CADM3: variants seen among roughly 807,000 people sequenced by gnomAD.
The protein encoded by CADM3 is TSLC1-like 1.
Under a neutral mutation model 44.9 loss-of-function variants are expected in CADM3, and 11 were observed. The observed-to-expected ratio is 0.25, with a 90% CI of 0.15 to 0.41. The LOEUF (loss-of-function observed/expected upper bound fraction) is 0.41, where lower values mean the gene tolerates loss of function less well. CADM3 is among the 10% of genes least tolerant of loss of function. The pLI is 1.00. For missense variants in CADM3, 426 were observed against 512.0 expected, an observed-to-expected ratio of 0.83 and a Z score of 1.62; for synonymous variants, 207 against 205.2, an observed-to-expected ratio of 1.01 and a Z score of -0.08.
intron 1 of CADM3, among the ~76,000 whole-genome samples, chr1:159,180,094 G>A (rs948888285): frequency 2.6e-5 from 4 of 152,148 alleles, no homozygotes; most frequent in Non-Finnish European, 5.9e-5. Context: ...CCCTGGAGAG[G>A]AGAGGATTCT....
intron 1 of CADM3, among the ~76,000 whole-genome samples, chr1:159,177,329 G>A (rs1649061054): frequency 6.6e-6 from 1 of 152,134 alleles, no homozygotes; most frequent in Non-Finnish European, 1.5e-5. Flanking sequence ...TGAGCGTAGA[G>A]TGATCCTAAT....
chr1:159,197,188 C>T (rs1208661475), intron 7 of CADM3, 128 bp downstream of exon 7: 2 of 932,696 alleles, frequency 2.1e-6, no homozygotes. Flanking sequence ...AACCAGCCCA[C>T]CACTGGGGTC....
At position 159,174,019 on chromosome 1, in the gene CADM3, C is replaced by G. The variant is rs1161731183; in HGVS notation, c.88+2166C>G. On this transcript the variant is annotated intron_variant, in intron 1 of 8. Transcript: ENST00000368125. ...CTTCAGAGCAGTGGCCTGAGAGAAA[C>G]AGTGGAAAGCAGTAACTTCTGAATG... is the stretch of plus-strand genomic sequence containing the variant. Among the ~76,000 whole-genome samples, 4 of 152,262 alleles carry G rather than the reference C, an allele frequency of 2.6e-5. No homozygotes were observed. The East Asian group carries it at 7.7e-4, about 29-fold the overall frequency.
chr1:159,184,969 A>G (rs1649363288), intron 1 of CADM3, among the ~76,000 whole-genome samples: 1 of 152,228 alleles, frequency 6.6e-6, no homozygotes, highest in East Asian at 1.9e-4. Flanking sequence ...TGGAAATCCT[A>G]AAGATACTAG....
At chr1:159,194,245 A>G (rs1649798015) in intron 5 of CADM3, 2 of 518,514 alleles carry the variant, frequency 3.9e-6, no homozygotes, top group African/African-American at 1.9e-5. Context: ...TGAGACCCAT[A>G]CAGCCTCTGT....
chr1:159,194,362 G>A lies in CADM3; in HGVS notation c.691+322G>A, dbSNP rs145115736. The stretch of plus-strand genomic sequence containing the variant: ...AAACTTTATTTACAAAAGAATGCAG[G>A]TGGCAGGATTTGGTCCAAGGGGATA... On this transcript the variant is annotated intron_variant, in intron 5 of 8. Transcript: ENST00000368125. The A allele has an allele frequency of 4.2e-3, 898 of 211,572 alleles. 2 individuals are homozygous for A. The highest frequency in any genetic ancestry group is 5.9e-3 in the Non-Finnish European group (618 of 105,114). The allele number at this position is 211,572 out of a possible 1,614,324, so 13.1% of individuals were successfully genotyped here.
intron 1 of CADM3, among the ~76,000 whole-genome samples, chr1:159,186,354 T>C (rs1254837431): frequency 6.6e-6 from 1 of 152,136 alleles, no homozygotes; most frequent in African/African-American, 2.4e-5. Context: ...ATGACCGATA[T>C]GACTGAAACT....
chr1:159,198,326 A>C (rs1649995360), intron 7 of CADM3: 1 of 152,144 alleles, frequency 6.6e-6, no homozygotes, highest in African/African-American at 2.4e-5. Context: ...AGGAACTGCC[A>C]TTTCCATAGC....
intron 1 of CADM3, among the ~76,000 whole-genome samples, chr1:159,175,309 T>C (rs1648976525): frequency 6.6e-6 from 1 of 152,248 alleles, no homozygotes; most frequent in African/African-American, 2.4e-5. Context: ...GACACTTGCA[T>C]AGCAGAGTTT....
intron 1 of CADM3, among the ~76,000 whole-genome samples, chr1:159,172,108 C>T (rs1173117714): frequency 6.6e-6 from 1 of 152,066 alleles, no homozygotes; most frequent in Non-Finnish European, 1.5e-5. Flanking sequence ...GCTCTCGGGG[C>T]TGATGTCCGT....
chr1:159,174,401 T>C (rs1335754887), intron 1 of CADM3, among the ~76,000 whole-genome samples: 1 of 152,162 alleles, frequency 6.6e-6, no homozygotes, highest in Non-Finnish European at 1.5e-5. Context: ...GGAAGAGAAC[T>C]AGGCAATATG....
chr1:159,179,202 T>G (rs1649137716), intron 1 of CADM3, among the ~76,000 whole-genome samples: 1 of 152,196 alleles, frequency 6.6e-6, no homozygotes, highest in African/African-American at 2.4e-5. Context: ...TATATCATTC[T>G]TTAATGTGAA....
At chr1:159,192,103 C>T (rs200168763) in intron 2 of CADM3, 27 bp downstream of exon 2, 72 of 1,611,170 alleles carry the variant, frequency 4.5e-5, no homozygotes, top group Non-Finnish European at 5.3e-5. Flanking sequence ...TATCTTTCTC[C>T]GTGAAAACCA....
chr1:159,193,368 GTGT>G (rs1649748264), intron 3 of CADM3, 52 bp from the exon 4 acceptor site: 1 of 1,534,608 alleles, frequency 6.5e-7, no homozygotes, highest in Non-Finnish European at 8.8e-7. Context: ...GAGAGCAGAA[GTGT>G]GACCCCATGG....
chr1:159,171,781 G>C lies in CADM3; in HGVS notation c.16G>C (p.Ala6Pro). The change falls in exon 1 of 9, where the codon GCC (alanine) becomes CCC (proline). Residue 6 changes from alanine (A) to proline (P), a missense_variant. This residue lies in a region of CADM3 where 64 missense variants were observed against 37.4 expected (regional missense o/e 1.71). Coordinates refer to ENST00000368125, the MANE Select transcript of CADM3 (RefSeq NM_001127173.3). The stretch of plus-strand genomic sequence containing the variant: ...GGGAAGCGCGATGGGGGCCCCAGCC[G>C]CCTCGCTCCTGCTCCTGCTCCTGCT... MGAPAASLLLLLLLFA... is the reference protein window; with the variant it reads MGAPAPSLLLLLLLFA... 3 of 1,240,184 alleles carry C rather than the reference G, an allele frequency of 2.4e-6. No homozygotes were observed. The highest frequency in any genetic ancestry group is 1.5e-5 in the African/African-American group (1 of 64,766). The allele number at this position is 1,240,184 out of a possible 1,614,324, so 76.8% of individuals were successfully genotyped here. A position where few individuals can be genotyped will look rare whatever the true frequency, so the allele number is the denominator to read the frequency against.
In CADM3 at chr1:159,201,000, G is replaced by C. The variant is rs1650168643; in HGVS notation, c.*78G>C. 9.7e-7 allele frequency: 1 copy of C among 1,035,206 alleles called. No individual in the cohort carries two copies. The highest frequency in any genetic ancestry group is 1.4e-6 in the Non-Finnish European group (1 of 727,354). The allele number at this position is 1,035,206 out of a possible 1,614,324, so 64.1% of individuals were successfully genotyped here. A position where few individuals can be genotyped will look rare whatever the true frequency, so the allele number is the denominator to read the frequency against. On this transcript the variant is annotated 3_prime_UTR_variant, in exon 9 of 9. Transcript: ENST00000368125. ...GCCGTCACCAACCCGGACTTGTACAGAGCAACCGCAGGGCCGCCCCTCCCG... is the reference window on the plus strand; with the variant it reads ...GCCGTCACCAACCCGGACTTGTACACAGCAACCGCAGGGCCGCCCCTCCCG...
intron 7 of CADM3, 92 bp from the exon 8 acceptor site, chr1:159,199,659 C>T (rs991876329): frequency 1.3e-6 from 2 of 1,552,528 alleles, no homozygotes; most frequent in South Asian, 2.2e-5. Context: ...GTACCTGTTC[C>T]CTGCTGTGTA....
chr1:159,199,338 G>A (rs556427496), intron 7 of CADM3, among the ~76,000 whole-genome samples: 61 of 151,444 alleles, frequency 4.0e-4, no homozygotes, highest in Admixed American at 1.1e-3. Flanking sequence ...AAACAGGGCA[G>A]GAGGAGAGAG....
chr1:159,184,760 A>T (rs1649353701), intron 1 of CADM3, among the ~76,000 whole-genome samples: 1 of 152,214 alleles, frequency 6.6e-6, no homozygotes, highest in South Asian at 2.1e-4. Flanking sequence ...TATTTGAGTT[A>T]CTCATTTATT....
Sources: allele counts gnomAD v4.1 joint callset (sites outside exome capture counted in the v4.1 genomes callset), GRCh38; gene constraint gnomAD v4.1.1; regional missense constraint gnomAD v4.1.1; transcripts MANE v1.5; gene names NCBI Gene and HGNC (gene_info 2026-07-23, HGNC 2026-07-21).